The following ADARB1 variants were observed in gnomAD, a reference collection of about 807,000 sequenced individuals.
ADARB1 encodes the protein adenosine deaminase RNA specific B1.
Under a neutral mutation model 52.4 loss-of-function variants are expected in ADARB1, and 10 were observed. The ratio of observed to expected loss-of-function variants is 0.19; its 90% CI spans 0.12 to 0.32. The LOEUF (loss-of-function observed/expected upper bound fraction) is 0.32, where lower values mean the gene tolerates loss of function less well. Ranked by LOEUF, ADARB1 falls within the 10% of genes least tolerant of loss-of-function variation. ADARB1 has a pLI of 1.00. For synonymous variants in ADARB1, 349 were observed against 371.1 expected, an observed-to-expected ratio of 0.94 and a Z score of 0.68; for missense variants, 643 against 922.3, an observed-to-expected ratio of 0.70 and a Z score of 3.92.
rs886200769 is a variant in ADARB1 at position 45,225,135 on chromosome 21, C to T, written c.*2938C>T. On this transcript the variant is annotated 3_prime_UTR_variant, in exon 11 of 11. Coordinates refer to ENST00000348831, the MANE Select transcript of ADARB1 (RefSeq NM_001112.4). ...TATTAATTCCACAAAGACACTGTCC[C>T]TCAGGACCACTCAGGTACAGCTCTG... 1 of 1,014,244 alleles carries T rather than the reference C, an allele frequency of 9.9e-7. No homozygotes were observed. Among genetic ancestry groups the T allele is most frequent in the African/African-American group, 1.7e-5 (1 of 58,392 alleles). The allele number at this position is 1,014,244 out of a possible 1,614,324, so 62.8% of individuals were successfully genotyped here.
At chr21:45,205,607 C>A (rs997201954) in intron 9 of ADARB1, among the ~76,000 whole-genome samples, 2 of 152,218 alleles carry the variant, frequency 1.3e-5, no homozygotes, top group Admixed American at 1.3e-4. Context: ...TCCCTGGTGT[C>A]TGCACCTACC....
At chr21:45,077,089 CA>C (rs762453582) in intron 1 of ADARB1, among the ~76,000 whole-genome samples, 16 of 152,202 alleles carry the variant, frequency 1.1e-4, no homozygotes, top group Non-Finnish European at 2.1e-4. Context: ...TAATATATGA[CA>C]AACCTTGCTA....
intron 2 of ADARB1, among the ~76,000 whole-genome samples, chr21:45,153,566 G>T (rs781124792): frequency 6.6e-6 from 1 of 152,208 alleles, no homozygotes; most frequent in Non-Finnish European, 1.5e-5. Flanking sequence ...TGTTTCTTCA[G>T]GAAGTAAAAT....
At chr21:45,151,937 G>A (rs1265245996) in intron 2 of ADARB1, among the ~76,000 whole-genome samples, 1 of 152,220 alleles carries the variant, frequency 6.6e-6, no homozygotes, top group Non-Finnish European at 1.5e-5. Flanking sequence ...CCTGGGGCAT[G>A]AGCTGTGCCC....
intron 8 of ADARB1, among the ~76,000 whole-genome samples, chr21:45,188,279 G>A (rs149599924): frequency 0.067 from 10,157 of 152,068 alleles, 501 homozygotes; most frequent in East Asian, 0.15. Flanking sequence ...GCTAATTTTT[G>A]TATTTTTAGT....
intron 1 of ADARB1, among the ~76,000 whole-genome samples, chr21:45,098,758 A>C (rs1410343932): frequency 3.9e-5 from 6 of 152,194 alleles, no homozygotes; most frequent in Non-Finnish European, 8.8e-5. Flanking sequence ...GGCTATTTGC[A>C]CACATATGCT....
chr21:45,209,495 A>G (rs1358687756), intron 9 of ADARB1, among the ~76,000 whole-genome samples: 1 of 152,060 alleles, frequency 6.6e-6, no homozygotes, highest in Non-Finnish European at 1.5e-5. Context: ...CTGGATCTTG[A>G]TGTTACCTGG....
chr21:45,104,911 C>T (rs2123748629), intron 1 of ADARB1, among the ~76,000 whole-genome samples: 1 of 152,284 alleles, frequency 6.6e-6, no homozygotes, highest in East Asian at 1.9e-4. Flanking sequence ...TGGGGAAATG[C>T]TCCCAAGTAT....
intron 1 of ADARB1, among the ~76,000 whole-genome samples, chr21:45,127,018 T>C (rs2088624948): frequency 1.3e-5 from 2 of 152,180 alleles, no homozygotes; most frequent in South Asian, 4.1e-4. Context: ...GACTTTTTGG[T>C]GTGTAAAGCT....
rs1053024368 is a variant in ADARB1, at chr21:45,206,896, G to A, written c.1747+2160G>A. ...GCCTCCGTTATCTCTAATCTTGATA[G>A]CCTAAAGCACATTACCAAACCCCTC... On this transcript the variant is annotated intron_variant, in intron 9 of 10. Transcript: ENST00000348831. 1.5e-4 allele frequency among the ~76,000 whole-genome samples: 23 copies of A among 152,116 alleles called. 2 individuals carry two copies.
At chr21:45,096,890 C>G (rs905349362) in intron 1 of ADARB1, among the ~76,000 whole-genome samples, 2 of 152,204 alleles carry the variant, frequency 1.3e-5, no homozygotes, top group East Asian at 3.9e-4. Flanking sequence ...CAGGCGCCTG[C>G]CACCACGCCC....
At chr21:45,156,670 C>A (rs939560254) in intron 2 of ADARB1, among the ~76,000 whole-genome samples, 2 of 151,678 alleles carry the variant, frequency 1.3e-5, no homozygotes, top group Non-Finnish European at 2.9e-5. Flanking sequence ...CATCCACCCC[C>A]CCACGCACCC....
chr21:45,106,759 G>A lies in ADARB1; in HGVS notation c.-219-21643G>A, dbSNP rs12482885. Among the ~76,000 whole-genome samples, 479 of 152,254 alleles carry A rather than the reference G, an allele frequency of 3.1e-3. 4 individuals are homozygous for A. Among genetic ancestry groups the A allele is most frequent in the Middle Eastern group, 0.014 (4 of 294 alleles). ...ACAAATACGGCTGGATGCACTTTTGGGGTGCAAATTTGTCTCTTCTCTGTG... is the reference window on the plus strand; with the variant it reads ...ACAAATACGGCTGGATGCACTTTTGAGGTGCAAATTTGTCTCTTCTCTGTG... On this transcript the variant is annotated intron_variant, in intron 1 of 10. Coordinates refer to ENST00000348831, the MANE Select transcript of ADARB1 (RefSeq NM_001112.4).
chr21:45,111,279 T>G (rs934953659), intron 1 of ADARB1, among the ~76,000 whole-genome samples: 3 of 152,000 alleles, frequency 2.0e-5, no homozygotes, highest in African/African-American at 7.2e-5. Flanking sequence ...CGTGCCTGTT[T>G]GTTTGTTTTT....
intron 9 of ADARB1, among the ~76,000 whole-genome samples, chr21:45,206,211 C>A (rs2092662207): frequency 6.6e-6 from 1 of 152,202 alleles, no homozygotes; most frequent in South Asian, 2.1e-4. Context: ...TTTTAGCTGT[C>A]ACTCATCTTT....
chr21:45,184,824 A>G, intron 7 of ADARB1, 99 bp from the exon 8 acceptor site: 1 of 1,286,624 alleles, frequency 7.8e-7, no homozygotes, highest in Non-Finnish European at 1.1e-6. Context: ...ATATGCACAG[A>G]CTGTATTTTA....
intron 1 of ADARB1, among the ~76,000 whole-genome samples, chr21:45,078,085 G>A (rs138334804): frequency 6.6e-6 from 1 of 151,942 alleles, no homozygotes; most frequent in African/African-American, 2.4e-5. Context: ...GATTAGTACT[G>A]CTTGCTGCAC....
At chr21:45,086,628 C>T (rs1402004315) in intron 1 of ADARB1, among the ~76,000 whole-genome samples, 4 of 152,200 alleles carry the variant, frequency 2.6e-5, no homozygotes, top group African/African-American at 4.8e-5. Flanking sequence ...ACATGTTTTT[C>T]GGGTTCATCC....
At chr21:45,098,045 G>A (rs964586015) in intron 1 of ADARB1, among the ~76,000 whole-genome samples, 10 of 152,120 alleles carry the variant, frequency 6.6e-5, no homozygotes, top group African/African-American at 1.2e-4. Flanking sequence ...TAGCCACCTC[G>A]CTTTCCCTCA....
Sources: allele counts gnomAD v4.1 joint callset (sites outside exome capture counted in the v4.1 genomes callset), GRCh38; gene constraint gnomAD v4.1.1; transcripts MANE v1.5; gene names NCBI Gene and HGNC (gene_info 2026-07-23, HGNC 2026-07-21).